The following AOPEP variants were observed in gnomAD, a reference collection of about 807,000 sequenced individuals.
AOPEP encodes aminopeptidase O.
Under a neutral mutation model 98.1 loss-of-function variants are expected in AOPEP, and 77 were observed. The ratio of observed to expected loss-of-function variants is 0.78; its 90% confidence interval spans 0.65 to 0.95. The LOEUF (loss-of-function observed/expected upper bound fraction) is 0.95, where lower values mean the gene tolerates loss of function less well. Ranked by LOEUF, AOPEP falls within the 40% of genes least tolerant of loss-of-function variation. AOPEP has a pLI of 0.00. For synonymous variants in AOPEP, 346 were observed against 365.3 expected (o/e 0.95, Z 0.60); for missense variants, 1,024 against 1,024.7 (o/e 1.00, Z 0.01).
the AOPEP span, among the ~76,000 whole-genome samples, chr9:95,118,054 T>C: frequency 6.6e-6 from 1 of 152,116 alleles, no homozygotes; most frequent in Non-Finnish European, 1.5e-5. Context: ...AGTCTCCTTC[T>C]GTTGCGCAGG....
chr9:95,083,380 GCACACACAGCACACACAGCGCACGCAC>G (rs1181937964), intron 16 of AOPEP, among the ~76,000 whole-genome samples: 4 of 146,086 alleles, frequency 2.7e-5, no homozygotes, highest in Non-Finnish European at 6.0e-5. Flanking sequence ...AGCACACGCG[GCACACACAGCACACACAGCGCACGCAC>G]CACGCAGAGC....
chr9:94,827,334 G>C (rs1159882174), intron 5 of AOPEP, among the ~76,000 whole-genome samples: 1 of 152,162 alleles, frequency 6.6e-6, no homozygotes, highest in Non-Finnish European at 1.5e-5. Context: ...TACAGATGAG[G>C]AAAGTGAGGC....
intron 3 of AOPEP, among the ~76,000 whole-genome samples, chr9:94,792,458 G>A (rs893288743): frequency 2.0e-5 from 3 of 152,068 alleles, no homozygotes; most frequent in African/African-American, 4.8e-5. Context: ...CTCTGTAGGA[G>A]CATACAGCCT....
chr9:94,912,326 G>A (rs1424206641), intron 5 of AOPEP, among the ~76,000 whole-genome samples: 4 of 152,116 alleles, frequency 2.6e-5, no homozygotes, highest in Non-Finnish European at 2.9e-5. Flanking sequence ...GCCAGCCAGC[G>A]TGCAGTTAAG....
At chr9:95,083,399 C>T (rs533040484) in intron 16 of AOPEP, among the ~76,000 whole-genome samples, 13 of 147,064 alleles carry the variant, frequency 8.8e-5, no homozygotes, top group South Asian at 6.6e-4. Flanking sequence ...GCACACACAG[C>T]GCACGCACCA....
intron 5 of AOPEP, among the ~76,000 whole-genome samples, chr9:94,847,202 T>TCC (rs1403655302): frequency 2.0e-5 from 3 of 151,618 alleles, no homozygotes; most frequent in African/African-American, 7.3e-5. Flanking sequence ...TCTCTCTCTC[T>TCC]CCACACATCC....
intron 1 of AOPEP, among the ~76,000 whole-genome samples, chr9:94,730,391 G>A (rs180933981): frequency 3.2e-4 from 49 of 151,886 alleles, no homozygotes; most frequent in African/African-American, 1.2e-3. Flanking sequence ...TTCCTTGAGA[G>A]TGAAGAAAAA....
At chr9:95,142,200 C>T in the AOPEP span, among the ~76,000 whole-genome samples, 1 of 152,040 alleles carries the variant, frequency 6.6e-6, no homozygotes, top group African/African-American at 2.4e-5. Context: ...ACCACGTTGG[C>T]CAGGCTGGTC....
intron 16 of AOPEP, 42 bp from the exon 17 acceptor site, chr9:95,086,640 C>T: frequency 2.0e-6 from 2 of 987,390 alleles, no homozygotes; most frequent in Non-Finnish European, 2.4e-6. Flanking sequence ...AGAATTCCTC[C>T]CGGTGACTGG....
chr9:95,032,264 C>A (rs766504524), intron 13 of AOPEP, among the ~76,000 whole-genome samples: 1 of 152,194 alleles, frequency 6.6e-6, no homozygotes, highest in Non-Finnish European at 1.5e-5. Context: ...GGCCTCTTGG[C>A]TTGAGTGCTG....
chr9:95,073,366 A>T (rs2068695526), intron 14 of AOPEP, among the ~76,000 whole-genome samples: 1 of 151,656 alleles, frequency 6.6e-6, no homozygotes, highest in African/African-American at 2.4e-5. Context: ...CTGGAAGCCG[A>T]GCTTGTATGT....
intron 1 of AOPEP, among the ~76,000 whole-genome samples, chr9:94,755,486 A>G (rs904682051): frequency 6.6e-6 from 1 of 152,188 alleles, no homozygotes; most frequent in Non-Finnish European, 1.5e-5. Flanking sequence ...AATAAGCAAC[A>G]ACTTAATAGA....
chr9:95,134,946 T>C, the AOPEP span, among the ~76,000 whole-genome samples: 565 of 152,406 alleles, frequency 3.7e-3, 4 homozygotes, highest in African/African-American at 0.012. Flanking sequence ...TTGTGTCTCT[T>C]ATTTCATCTT....
intron 5 of AOPEP, among the ~76,000 whole-genome samples, chr9:94,826,805 A>G (rs539806563): frequency 6.6e-6 from 1 of 152,168 alleles, no homozygotes; most frequent in South Asian, 2.1e-4. Flanking sequence ...CCACAAGGGT[A>G]GTGGTGGCAG....
chr9:94,780,665 G>A (rs1310371937), intron 3 of AOPEP, among the ~76,000 whole-genome samples: 1 of 152,218 alleles, frequency 6.6e-6, no homozygotes, highest in Non-Finnish European at 1.5e-5. Flanking sequence ...AGAGAAAGGG[G>A]ATGTGGATAC....
At chr9:94,835,848 T>G (rs768754360) in intron 5 of AOPEP, among the ~76,000 whole-genome samples, 1 of 152,198 alleles carries the variant, frequency 6.6e-6, no homozygotes, top group Non-Finnish European at 1.5e-5. Context: ...GTTCAAAGGC[T>G]CCTTTGATCA....
At chr9:95,073,109 C>T (rs1325093747) in intron 14 of AOPEP, among the ~76,000 whole-genome samples, 1 of 152,328 alleles carries the variant, frequency 6.6e-6, no homozygotes, top group East Asian at 1.9e-4. Flanking sequence ...TAGCTCTTCC[C>T]AGGCCCTTAC....
At chr9:94,759,134 T>C (rs971392016) in intron 1 of AOPEP, among the ~76,000 whole-genome samples, 3 of 152,236 alleles carry the variant, frequency 2.0e-5, no homozygotes, top group African/African-American at 7.2e-5. Context: ...AGTGCTGATA[T>C]GAGAGCAGTC....
chr9:94,852,613 C>T (rs1019200251), intron 5 of AOPEP, among the ~76,000 whole-genome samples: 2 of 152,208 alleles, frequency 1.3e-5, no homozygotes, highest in Admixed American at 6.5e-5. Context: ...CAATGTGGCT[C>T]AAAGACCACT....
Sources: allele counts gnomAD v4.1 joint callset (sites outside exome capture counted in the v4.1 genomes callset), GRCh38; gene constraint gnomAD v4.1.1; transcripts MANE v1.5; gene names NCBI Gene and HGNC (gene_info 2026-07-23, HGNC 2026-07-21).